The following C2orf76 variants were observed in gnomAD, a reference collection of about 807,000 sequenced individuals.
C2orf76 encodes chromosome 2 open reading frame 76, also known as UPF0538 protein C2orf76.
Under a neutral mutation model 16.9 loss-of-function variants are expected in C2orf76, and 23 were observed. That is an observed-to-expected ratio of 1.36 (90% confidence interval 0.98 to 1.93). The LOEUF is 1.93. Ranked by LOEUF, C2orf76 falls within the 30% of genes most tolerant of loss-of-function variation. The probability of loss-of-function intolerance (pLI) is 0.00; values close to 1 mark genes in which losing one functional copy is unlikely to be tolerated. For missense variants in C2orf76, 152 were observed against 152.6 expected (o/e 1.00, Z 0.02); for synonymous variants, 48 against 52.3 (o/e 0.92, Z 0.35).
At chr2:119,354,432 G>A (rs377202397) in intron 1 of C2orf76, among the ~76,000 whole-genome samples, 181 of 152,306 alleles carry the variant, frequency 1.2e-3, no homozygotes, top group African/African-American at 3.5e-3. Context: ...GTTGAGGCAC[G>A]AGAATCGCCT....
At chr2:119,336,074 C>T (rs1679835644) in intron 2 of C2orf76, among the ~76,000 whole-genome samples, 2 of 152,054 alleles carry the variant, frequency 1.3e-5, no homozygotes, top group Non-Finnish European at 2.9e-5. Flanking sequence ...TATTATGATA[C>T]CTCTATGATC....
the C2orf76 span, among the ~76,000 whole-genome samples, chr2:119,283,469 T>C: frequency 6.6e-6 from 1 of 152,128 alleles, no homozygotes; most frequent in Non-Finnish European, 1.5e-5. Flanking sequence ...TTGGTTTTTT[T>C]GTTTTTGTTT....
intron 1 of C2orf76, among the ~76,000 whole-genome samples, chr2:119,340,656 AC>A (rs1169024080): frequency 5.3e-5 from 8 of 152,094 alleles, no homozygotes; most frequent in African/African-American, 1.9e-4. Flanking sequence ...GAGAAGACTG[AC>A]TTGGAGAGAT....
At chr2:119,350,654 A>C (rs935394) in intron 1 of C2orf76, among the ~76,000 whole-genome samples, 29,650 of 152,168 alleles carry the variant, frequency 0.19, 3,079 homozygotes, top group East Asian at 0.22. Context: ...TGAGGAGGGA[A>C]GCATAGCTTG....
chr2:119,331,079 C>G (rs1679664293), intron 2 of C2orf76, among the ~76,000 whole-genome samples: 1 of 151,626 alleles, frequency 6.6e-6, no homozygotes, highest in African/African-American at 2.4e-5. Context: ...CTTTGCATGC[C>G]TGTTAAGTTC....
the C2orf76 span, among the ~76,000 whole-genome samples, chr2:119,285,831 G>A: frequency 0.022 from 3,390 of 152,224 alleles, 114 homozygotes; most frequent in African/African-American, 0.076. Context: ...ACAGACCCTT[G>A]CATTTATCAA....
chr2:119,309,398 C>CTTTTTTTTTTTTTTTTTTT (rs1193022536), intron 5 of C2orf76, among the ~76,000 whole-genome samples: 4 of 71,382 alleles, frequency 5.6e-5, no homozygotes, highest in African/African-American at 1.2e-4. Context: ...TTCTCTTTTT[C>CTTTTTTTTTTTTTTTTTTT]TTTTTTTTTT....
At chr2:119,358,127 A>C (rs1680628932) in intron 1 of C2orf76, among the ~76,000 whole-genome samples, 2 of 152,212 alleles carry the variant, frequency 1.3e-5, no homozygotes, top group Non-Finnish European at 2.9e-5. Flanking sequence ...TTAGTCTCTC[A>C]TTTTAAATCA....
chr2:119,352,689 T>C lies in C2orf76; in HGVS notation c.-12-12718A>G, dbSNP rs369637969. Among the ~76,000 whole-genome samples the C allele has an allele frequency of 2.6e-5, 4 of 152,336 alleles. No individual in the cohort carries two copies. In the South Asian group the frequency reaches 8.3e-4, roughly 32 times the overall value. The stretch of plus-strand genomic sequence containing the variant: ...CTCTCTGAACCTTTACTGGTTCAGA[T>C]GCTGCCTAATTCATGCATTGTTTCT... On this transcript the variant is annotated intron_variant, in intron 1 of 5. Transcript: ENST00000334816.
At chr2:119,305,526 C>T (rs1040077629) in intron 5 of C2orf76, among the ~76,000 whole-genome samples, 10 of 152,120 alleles carry the variant, frequency 6.6e-5, no homozygotes, top group Non-Finnish European at 1.5e-4. Flanking sequence ...AGGCACAGCC[C>T]CTGTTGTCTG....
chr2:119,293,018 C>T, the C2orf76 span, among the ~76,000 whole-genome samples: 1 of 152,148 alleles, frequency 6.6e-6, no homozygotes, highest in Non-Finnish European at 1.5e-5. Flanking sequence ...CTGGGCGACA[C>T]AATGAGACTC....
At chr2:119,364,094 G>C (rs1680842716) in intron 1 of C2orf76, among the ~76,000 whole-genome samples, 1 of 151,798 alleles carries the variant, frequency 6.6e-6, no homozygotes, top group African/African-American at 2.4e-5. Context: ...GGGAGAGAGA[G>C]GTAGGGCAGA....
At chr2:119,303,466 C>T (rs1378094098) in intron 5 of C2orf76, among the ~76,000 whole-genome samples, 4 of 152,136 alleles carry the variant, frequency 2.6e-5, no homozygotes, top group Non-Finnish European at 5.9e-5. Flanking sequence ...CACAAGAAAA[C>T]AGACAAGATT....
At chr2:119,353,391 A>C (rs1194774897) in intron 1 of C2orf76, among the ~76,000 whole-genome samples, 1 of 152,190 alleles carries the variant, frequency 6.6e-6, no homozygotes, top group African/African-American at 2.4e-5. Context: ...ACTATGACTA[A>C]AAGTAAAATG....
intron 1 of C2orf76, among the ~76,000 whole-genome samples, chr2:119,357,576 G>C (rs1241838556): frequency 1.4e-5 from 2 of 144,422 alleles, no homozygotes; most frequent in Non-Finnish European, 3.0e-5. Flanking sequence ...ATTTGATAAA[G>C]AGCATCTACA....
intron 1 of C2orf76, among the ~76,000 whole-genome samples, chr2:119,343,595 T>C (rs1219584471): frequency 6.6e-6 from 1 of 152,146 alleles, no homozygotes; most frequent in Non-Finnish European, 1.5e-5. Context: ...ACTCTGCTTC[T>C]TAGCTGCAAC....
chr2:119,290,134 G>A, the C2orf76 span, among the ~76,000 whole-genome samples: 2 of 151,592 alleles, frequency 1.3e-5, no homozygotes, highest in South Asian at 4.2e-4. Context: ...CCAAAGCTCT[G>A]GGCACTGCTT....
intron 5 of C2orf76, among the ~76,000 whole-genome samples, chr2:119,306,191 A>T (rs1391609476): frequency 2.6e-5 from 4 of 152,172 alleles, no homozygotes; most frequent in Non-Finnish European, 2.9e-5. Flanking sequence ...AACACGCATG[A>T]CCTAAAATAT....
intron 2 of C2orf76, among the ~76,000 whole-genome samples, chr2:119,330,364 A>AC (rs1446972678): frequency 6.6e-6 from 1 of 151,842 alleles, no homozygotes; most frequent in Non-Finnish European, 1.5e-5. Flanking sequence ...AAAAAAAAAA[A>AC]AAAAATGTTA....
Sources: gnomAD v4.1 joint callset for allele counts (sites outside exome capture counted in the v4.1 genomes callset) on GRCh38, gnomAD v4.1.1 for gene constraint, MANE v1.5 for transcripts, NCBI Gene and HGNC (gene_info 2026-07-23, HGNC 2026-07-21) for gene names.